Variants in CACNB2 observed in about 807,000 individuals in gnomAD.
CACNB2 encodes voltage-dependent L-type calcium channel subunit beta-2.
In CACNB2, 42 loss-of-function variants were observed where a neutral mutation model predicts 73.3. The ratio of observed to expected loss-of-function variants is 0.57; its 90% CI spans 0.45 to 0.74. The LOEUF (loss-of-function observed/expected upper bound fraction) is 0.74, where lower values mean the gene tolerates loss of function less well. Ranked by LOEUF, CACNB2 falls within the 30% of genes least tolerant of loss-of-function variation. The pLI is 0.00. For synonymous variants in CACNB2, 348 were observed against 310.3 expected (o/e 1.12, Z -1.28); for missense variants, 940 against 853.0 (o/e 1.10, Z -1.27).
intron 12 of CACNB2, among the ~76,000 whole-genome samples, chr10:18,537,654 G>T (rs1019071343): frequency 6.6e-6 from 1 of 151,992 alleles, no homozygotes; most frequent in African/African-American, 2.4e-5. Context: ...GTAGGCACCT[G>T]TAACCCCAGC....
At chr10:18,186,190 T>C (rs2034142567) in intron 2 of CACNB2, among the ~76,000 whole-genome samples, 1 of 152,096 alleles carries the variant, frequency 6.6e-6, no homozygotes, top group East Asian at 1.9e-4. Context: ...GAGGTGAAGG[T>C]GGGCGGATCA....
Position 18,486,265 on chromosome 10 carries a change from G to A in CACNB2, c.334-12090G>A, listed in dbSNP as rs548154426. On this transcript the variant is annotated intron_variant, in intron 3 of 13. Transcript: ENST00000324631. ...ACTTAGGTATGCATTGTGTTATAGCGTTCAAATTATTAGCTTCACTATTAA... is the reference window on the plus strand; with the variant it reads ...ACTTAGGTATGCATTGTGTTATAGCATTCAAATTATTAGCTTCACTATTAA... Among the ~76,000 whole-genome samples the A allele has an allele frequency of 3.9e-5, 6 of 152,176 alleles. No homozygotes were observed. In the South Asian group the frequency reaches 1.0e-3, roughly 26 times the overall value.
intron 2 of CACNB2, among the ~76,000 whole-genome samples, chr10:18,333,092 C>T (rs949369343): frequency 6.6e-6 from 1 of 152,160 alleles, no homozygotes; most frequent in Admixed American, 6.5e-5. Context: ...TATGCCTCTT[C>T]ATTAATAACA....
chr10:18,520,595 T>C (rs1443492778), intron 9 of CACNB2, among the ~76,000 whole-genome samples: 2 of 152,210 alleles, frequency 1.3e-5, no homozygotes, highest in East Asian at 1.9e-4. Flanking sequence ...CTTCTTTTTT[T>C]CCTCTGAATG....
Position 18,140,652 on chromosome 10 carries a change from G to T in CACNB2, c.-85G>T. On this transcript the variant is annotated 5_prime_UTR_variant, in exon 1 of 14. Transcript: ENST00000324631. The stretch of plus-strand genomic sequence containing the variant: ...TGAGCCCTGGGCGGCCCCCAGAGCC[G>T]ATCAGAGCGCGGGGAGGCGGGGGCG... 2.4e-6 allele frequency: 3 copies of T among 1,266,090 alleles called. No homozygotes were observed. The highest frequency in any genetic ancestry group is 1.1e-6 in the Non-Finnish European group (1 of 892,506). The allele number at this position is 1,266,090 out of a possible 1,614,324, so 78.4% of individuals were successfully genotyped here.
intron 2 of CACNB2, among the ~76,000 whole-genome samples, chr10:18,254,959 T>C (rs1487913017): frequency 6.6e-6 from 1 of 152,224 alleles, no homozygotes; most frequent in Non-Finnish European, 1.5e-5. Flanking sequence ...ATCTAATAGA[T>C]TCATTCATTT....
intron 2 of CACNB2, among the ~76,000 whole-genome samples, chr10:18,187,088 C>A (rs995000298): frequency 6.6e-6 from 1 of 152,014 alleles, no homozygotes; most frequent in Admixed American, 6.6e-5. Flanking sequence ...TCAGTCTAGG[C>A]TGGGTGGTCA....
In CACNB2 at chr10:18,542,828, TG is replaced by T. The variant is rs1205282433; in HGVS notation, c.*3105del. The stretch of plus-strand genomic sequence containing the variant: ...AAGGCTTAACCTTAACCTACTCAGT[TG>T]TAGAGCCATTTTTGTAGTCAACCTA... On this transcript the variant is annotated 3_prime_UTR_variant, in exon 14 of 14. Transcript: ENST00000324631. 1 of 152,052 alleles carries T rather than the reference TG, an allele frequency of 6.6e-6. No individual in the cohort carries two copies. The highest frequency in any genetic ancestry group is 1.5e-5 in the Non-Finnish European group (1 of 67,996). 9.4% of individuals were successfully genotyped at this position (152,052 alleles called of 1,614,324 possible).
rs188451946 is a variant in CACNB2 at position 18,496,968 on chromosome 10, T to G, written c.334-1387T>G. On this transcript the variant is annotated intron_variant, in intron 3 of 13. Transcript: ENST00000324631. ...TCTCGTACCTGTAATCCCAGCACTT[T>G]GGGAGGCTGAGGCGGGCAGATCACC... 5.3e-3 allele frequency among the ~76,000 whole-genome samples: 798 copies of G among 151,732 alleles called. 10 individuals carry two copies. The highest frequency in any genetic ancestry group is 0.018 in the African/African-American group (762 of 41,430).
At chr10:18,440,618 G>A (rs563372452) in intron 3 of CACNB2, among the ~76,000 whole-genome samples, 40 of 152,226 alleles carry the variant, frequency 2.6e-4, no homozygotes, top group African/African-American at 9.1e-4. Flanking sequence ...TCCAGCCTGG[G>A]TGACAGAGCA....
intron 3 of CACNB2, among the ~76,000 whole-genome samples, chr10:18,489,189 A>G (rs2049258852): frequency 6.6e-6 from 1 of 151,994 alleles, no homozygotes; most frequent in African/African-American, 2.4e-5. Flanking sequence ...ACTGCACTCC[A>G]GCCTGGGTGA....
intron 2 of CACNB2, among the ~76,000 whole-genome samples, chr10:18,334,779 G>A (rs1189787850): frequency 6.6e-6 from 1 of 152,080 alleles, no homozygotes; most frequent in East Asian, 1.9e-4. Flanking sequence ...GAACCACTGA[G>A]TTACAGCAAA....
chr10:18,285,000 A>C (rs1239673170), intron 2 of CACNB2, among the ~76,000 whole-genome samples: 1 of 152,168 alleles, frequency 6.6e-6, no homozygotes, highest in East Asian at 1.9e-4. Flanking sequence ...TCTTTGAGAA[A>C]TAATGAGCTA....
chr10:18,486,805 T>C (rs2049082998), intron 3 of CACNB2, among the ~76,000 whole-genome samples: 1 of 152,140 alleles, frequency 6.6e-6, no homozygotes, highest in African/African-American at 2.4e-5. Flanking sequence ...GACCATCCTT[T>C]TGGGTCTGTA....
intron 2 of CACNB2, among the ~76,000 whole-genome samples, chr10:18,401,609 C>A (rs993218117): frequency 6.6e-6 from 1 of 152,156 alleles, no homozygotes. Flanking sequence ...TGAAACCCAT[C>A]GTTGTCCTTC....
intron 3 of CACNB2, among the ~76,000 whole-genome samples, chr10:18,404,797 A>G (rs2132561092): frequency 6.6e-6 from 1 of 152,352 alleles, no homozygotes; most frequent in African/African-American, 2.4e-5. Flanking sequence ...AGTGACCTAC[A>G]AAAGGTTATA....
chr10:18,167,346 G>A (rs968997941), intron 2 of CACNB2, among the ~76,000 whole-genome samples: 6 of 152,102 alleles, frequency 3.9e-5, no homozygotes, highest in African/African-American at 1.4e-4. Flanking sequence ...ATTACTCATT[G>A]GGTACTGTGT....
chr10:18,150,853 G>GTGTTTTT, intron 1 of CACNB2, 30 bp from the exon 2 acceptor site: 1 of 655,040 alleles, frequency 1.5e-6, no homozygotes, highest in Non-Finnish European at 2.1e-6. Flanking sequence ...AATCTTATTT[G>GTGTTTTT]TCTTTTTTTT....
At chr10:18,470,259 G>A (rs1393271385) in intron 3 of CACNB2, among the ~76,000 whole-genome samples, 1 of 150,806 alleles carries the variant, frequency 6.6e-6, no homozygotes, top group East Asian at 1.9e-4. Context: ...GGCTGAGGCT[G>A]GAGGATCACC....
Sources: allele counts gnomAD v4.1 joint callset (sites outside exome capture counted in the v4.1 genomes callset), GRCh38; gene constraint gnomAD v4.1.1; transcripts MANE v1.5; gene names NCBI Gene and HGNC (gene_info 2026-07-23, HGNC 2026-07-21).